The following KIF11 variants were observed in gnomAD, a reference collection of about 807,000 sequenced individuals.
KIF11 encodes kinesin-like protein KIF11.
A neutral mutation model predicts 121.0 loss-of-function variants in KIF11; 9 were observed. That is an observed-to-expected ratio of 0.07 (90% confidence interval 0.04 to 0.13). The LOEUF (loss-of-function observed/expected upper bound fraction) is 0.13. Among genes scored for constraint, KIF11 ranks in the 10% least tolerant of loss-of-function variants. The pLI is 1.00. For synonymous variants in KIF11, 408 were observed against 421.0 expected (o/e 0.97, Z 0.38); for missense variants, 846 against 1,217.5 (o/e 0.69, Z 4.54).
At chr10:92,652,225 C>G (rs1403378545) in intron 21 of KIF11, among the ~76,000 whole-genome samples, 2 of 152,012 alleles carry the variant, frequency 1.3e-5, no homozygotes, top group African/African-American at 4.8e-5. Context: ...ACCACAATCT[C>G]CGCCTCCCGG....
chr10:92,623,039 G>T (rs1190326950), intron 10 of KIF11, among the ~76,000 whole-genome samples: 1 of 152,156 alleles, frequency 6.6e-6, no homozygotes, highest in African/African-American at 2.4e-5. Flanking sequence ...AACATGTGGG[G>T]ATTATAATTC....
intron 6 of KIF11, among the ~76,000 whole-genome samples, chr10:92,611,648 C>T (rs1419245519): frequency 6.6e-6 from 1 of 152,048 alleles, no homozygotes; most frequent in Non-Finnish European, 1.5e-5. Flanking sequence ...CTTGTAATCC[C>T]AGCACTTTCG....
At position 92,655,134 on chromosome 10, in the gene KIF11, A is replaced by G. The variant is rs1845032394; in HGVS notation, c.*1338A>G. The G allele has an allele frequency of 6.6e-6, 1 of 152,654 alleles. No homozygotes were observed. The highest frequency in any genetic ancestry group is 2.4e-5 in the African/African-American group (1 of 41,450). 9.5% of individuals were successfully genotyped at this position (152,654 alleles called of 1,614,324 possible). On this transcript the variant is annotated 3_prime_UTR_variant, in exon 22 of 22. Coordinates refer to ENST00000260731, the MANE Select transcript of KIF11 (RefSeq NM_004523.4). ...AAGAACCAAAACAGAAGGAATATGT[A>G]CAAAGAATAAATTTTCTGCTCACGA...
intron 6 of KIF11, among the ~76,000 whole-genome samples, chr10:92,612,697 G>A (rs1844510441): frequency 6.6e-6 from 1 of 152,154 alleles, no homozygotes; most frequent in African/African-American, 2.4e-5. Flanking sequence ...TATTTCAAAT[G>A]GTTCTTATGA....
chr10:92,645,313 C>T, intron 17 of KIF11, 50 bp from the exon 18 acceptor site: 3 of 1,378,026 alleles, frequency 2.2e-6, no homozygotes, highest in Non-Finnish European at 3.0e-6. Context: ...GTTATATATC[C>T]TTTGAGTCTT....
chr10:92,638,357 GA>G (rs1844829585), intron 16 of KIF11, among the ~76,000 whole-genome samples: 1 of 152,098 alleles, frequency 6.6e-6, no homozygotes, highest in South Asian at 2.1e-4. Context: ...AGGTGGTAGT[GA>G]TCATACTACC....
At chr10:92,594,685 A>T (rs573397524) in intron 1 of KIF11, among the ~76,000 whole-genome samples, 2 of 152,198 alleles carry the variant, frequency 1.3e-5, no homozygotes, top group Non-Finnish European at 2.9e-5. Context: ...AAACAAAACA[A>T]TCATTGCTGG....
At chr10:92,620,856 T>C (rs1445212877) in intron 9 of KIF11, among the ~76,000 whole-genome samples, 2 of 152,202 alleles carry the variant, frequency 1.3e-5, no homozygotes, top group Non-Finnish European at 2.9e-5. Flanking sequence ...TTCAGTCATC[T>C]CCCACCAGGT....
chr10:92,602,832 G>GACACA (rs1187211466), intron 1 of KIF11, among the ~76,000 whole-genome samples: 37 of 85,350 alleles, frequency 4.3e-4, no homozygotes, highest in African/African-American at 3.4e-3. Flanking sequence ...ACACGTGTGT[G>GACACA]TGTGTGTGTG....
chr10:92,616,708 C>A, intron 8 of KIF11, 29 bp from the exon 9 acceptor site: 1 of 1,115,824 alleles, frequency 9.0e-7, no homozygotes, highest in Non-Finnish European at 1.4e-6. Flanking sequence ...ACAATATCTT[C>A]AGTAATTGAC....
chr10:92,616,766 T>C lies in KIF11; in HGVS notation c.1062T>C (p.His354=), dbSNP rs1676547013. 6.2e-7 allele frequency: 1 copy of C among 1,604,422 alleles called. No homozygotes were observed. Residue 354 remains histidine (H), a synonymous_variant, in exon 9 of 22, where the codon CAT becomes CAC. Transcript: ENST00000260731. The part of the protein sequence containing the change: ...EETLSTLEYA[H]RAKNILNKPE... ...CTCTGAGTACATTGGAATATGCTCA[T>C]AGAGCAAAGAACATATTGAATAAGC...
chr10:92,605,851 A>AAAACCTGT (rs1223816371), intron 1 of KIF11, among the ~76,000 whole-genome samples: 1 of 152,012 alleles, frequency 6.6e-6, no homozygotes. Flanking sequence ...TTTACAAGTT[A>AAAACCTGT]AAACCTGTTA....
intron 20 of KIF11, 76 bp downstream of exon 20, chr10:92,650,062 T>A: frequency 9.0e-7 from 1 of 1,108,630 alleles, no homozygotes; most frequent in East Asian, 2.6e-5. Context: ...TGTGAAGAAT[T>A]TTACTGTTTA....
chr10:92,599,447 C>T (rs1219665386), intron 1 of KIF11, among the ~76,000 whole-genome samples: 4 of 150,354 alleles, frequency 2.7e-5, no homozygotes, highest in Non-Finnish European at 4.4e-5. Flanking sequence ...ATCGCTTGAA[C>T]CTGGAAGGTG....
At chr10:92,598,589 A>G (rs538341551) in intron 1 of KIF11, among the ~76,000 whole-genome samples, 11 of 152,280 alleles carry the variant, frequency 7.2e-5, no homozygotes, top group Admixed American at 5.9e-4. Context: ...TTGGGATTCC[A>G]TATGAATTTG....
intron 16 of KIF11, among the ~76,000 whole-genome samples, chr10:92,639,107 A>G (rs1213529651): frequency 6.6e-6 from 1 of 152,130 alleles, no homozygotes; most frequent in African/African-American, 2.4e-5. Flanking sequence ...GGATTGCTTG[A>G]CCCGTTAGTA....
At chr10:92,651,153 G>T in intron 21 of KIF11, among the ~76,000 whole-genome samples, 1 of 151,948 alleles carries the variant, frequency 6.6e-6, no homozygotes, top group East Asian at 1.9e-4. Context: ...AGCCTCCCGG[G>T]TAGCTAGGAT....
intron 17 of KIF11, among the ~76,000 whole-genome samples, chr10:92,641,136 T>C (rs1185430627): frequency 6.6e-6 from 1 of 152,226 alleles, no homozygotes; most frequent in Non-Finnish European, 1.5e-5. Flanking sequence ...ATGTTTTCTT[T>C]TAGGAATTTT....
intron 1 of KIF11, among the ~76,000 whole-genome samples, chr10:92,599,949 CTT>C (rs1174140289): frequency 3.2e-4 from 41 of 129,012 alleles, no homozygotes; most frequent in African/African-American, 9.3e-4. Context: ...CTGTGCCTGG[CTT>C]TTTTTTTTTT....
Sources: allele counts gnomAD v4.1 joint callset (sites outside exome capture counted in the v4.1 genomes callset), GRCh38; gene constraint gnomAD v4.1.1; transcripts MANE v1.5; gene names NCBI Gene and HGNC (gene_info 2026-07-23, HGNC 2026-07-21).